The following PTPRN2 variants were observed in gnomAD, a reference collection of about 807,000 sequenced individuals.
PTPRN2 encodes receptor-type tyrosine-protein phosphatase N2.
A neutral mutation model predicts 118.8 loss-of-function variants in PTPRN2; 74 were observed. That is an observed-to-expected ratio of 0.62 (90% CI 0.52 to 0.76). The LOEUF is 0.76. Among genes scored for constraint, PTPRN2 ranks in the 30% least tolerant of loss-of-function variants. The probability of loss-of-function intolerance (pLI) is 0.00; values close to 1 mark genes in which losing one functional copy is unlikely to be tolerated. For synonymous variants in PTPRN2, 641 were observed against 608.0 expected (o/e 1.05, Z -0.80); for missense variants, 1,481 against 1,394.4 (o/e 1.06, Z -0.99).
At chr7:157,882,573 C>A (rs562665816) in intron 12 of PTPRN2, among the ~76,000 whole-genome samples, 1 of 151,480 alleles carries the variant, frequency 6.6e-6, no homozygotes, top group East Asian at 2.0e-4. Flanking sequence ...CAGAACACCT[C>A]ACCCCAAAAA....
intron 1 of PTPRN2, among the ~76,000 whole-genome samples, chr7:158,548,671 C>T (rs1196609218): frequency 6.6e-6 from 1 of 152,208 alleles, no homozygotes; most frequent in Non-Finnish European, 1.5e-5. Context: ...TCTTCCTTTT[C>T]ATCAGATACA....
At chr7:158,532,805 G>A (rs1450511912) in intron 1 of PTPRN2, 2 of 534,596 alleles carry the variant, frequency 3.7e-6, no homozygotes, top group Non-Finnish European at 7.7e-6. Context: ...AATGCGTGCA[G>A]GCTTCCGTGC....
At chr7:157,853,241 C>T (rs4618575) in intron 12 of PTPRN2, among the ~76,000 whole-genome samples, 26,570 of 151,928 alleles carry the variant, frequency 0.17, 2,373 homozygotes, top group East Asian at 0.28. Context: ...AGATGGAGAC[C>T]CAGAGGCTCA....
At chr7:157,662,788 G>A (rs1795956263) in intron 13 of PTPRN2, among the ~76,000 whole-genome samples, 1 of 152,224 alleles carries the variant, frequency 6.6e-6, no homozygotes, top group Non-Finnish European at 1.5e-5. Context: ...CTTTCGGAAT[G>A]TGCTTTTCCA....
chr7:158,187,463 C>T (rs1348012413), intron 5 of PTPRN2, among the ~76,000 whole-genome samples: 2 of 152,150 alleles, frequency 1.3e-5, no homozygotes, highest in Non-Finnish European at 2.9e-5. Context: ...GGGCCCAGAT[C>T]TCTAAGTCCC....
At chr7:158,125,956 G>A (rs764683386) in intron 9 of PTPRN2, among the ~76,000 whole-genome samples, 26 of 152,282 alleles carry the variant, frequency 1.7e-4, no homozygotes, top group Admixed American at 5.2e-4. Context: ...GCTCCTGAGC[G>A]GTGAGGCCTC....
chr7:157,575,777 C>G (rs7808805), intron 19 of PTPRN2, among the ~76,000 whole-genome samples: 68,923 of 151,974 alleles, frequency 0.45, 16,036 homozygotes, highest in Middle Eastern at 0.57. Flanking sequence ...TGCATTTTTT[C>G]TTCTTATTCT....
intron 12 of PTPRN2, among the ~76,000 whole-genome samples, chr7:157,699,442 T>G (rs1797961268): frequency 6.6e-6 from 1 of 152,232 alleles, no homozygotes; most frequent in Admixed American, 6.5e-5. Context: ...TTCTTTTTTT[T>G]CTTTTTACTG....
At chr7:158,145,224 T>C (rs1293021929) in intron 6 of PTPRN2, among the ~76,000 whole-genome samples, 1 of 136,056 alleles carries the variant, frequency 7.3e-6, no homozygotes. Flanking sequence ...CACATCACGG[T>C]GAGAAGGTTC....
At chr7:157,854,366 G>T (rs769402119) in intron 12 of PTPRN2, among the ~76,000 whole-genome samples, 7 of 152,252 alleles carry the variant, frequency 4.6e-5, no homozygotes, top group Non-Finnish European at 1.0e-4. Context: ...CTCCAGCTGT[G>T]CAATCGGCAC....
intron 12 of PTPRN2, among the ~76,000 whole-genome samples, chr7:157,827,465 T>TG (rs1563148932): frequency 1.6e-4 from 24 of 152,262 alleles, no homozygotes. Flanking sequence ...CCCTGGGCAC[T>TG]GTCTGGGGGC....
At chr7:158,353,656 G>A (rs78354067) in intron 2 of PTPRN2, among the ~76,000 whole-genome samples, 1 of 152,244 alleles carries the variant, frequency 6.6e-6, no homozygotes, top group African/African-American at 2.4e-5. Flanking sequence ...GTCAGGTCCT[G>A]GGGCCACCAG....
intron 11 of PTPRN2, among the ~76,000 whole-genome samples, chr7:157,954,038 A>C (rs984245443): frequency 6.6e-5 from 10 of 152,226 alleles, no homozygotes; most frequent in Non-Finnish European, 1.5e-5. Flanking sequence ...AGCCACTTCC[A>C]GTTTCCTGAC....
intron 12 of PTPRN2, among the ~76,000 whole-genome samples, chr7:157,896,462 G>A (rs775277226): frequency 6.6e-6 from 1 of 151,532 alleles, no homozygotes; most frequent in African/African-American, 2.4e-5. Context: ...AAGGAGCTCC[G>A]TTGTGAGTGG....
At chr7:157,796,489 C>T (rs576570874) in intron 12 of PTPRN2, among the ~76,000 whole-genome samples, 1 of 152,334 alleles carries the variant, frequency 6.6e-6, no homozygotes, top group East Asian at 1.9e-4. Context: ...CCACTGTCCT[C>T]ATCACTGGGA....
chr7:157,679,906 G>T (rs1444785528), intron 13 of PTPRN2, among the ~76,000 whole-genome samples: 2 of 152,048 alleles, frequency 1.3e-5, no homozygotes, highest in Non-Finnish European at 2.9e-5. Context: ...GGAGGACGCA[G>T]CTCTACACCC....
In PTPRN2 at chr7:157,621,258, CCGGA is replaced by C. The variant is rs1310032222; in HGVS notation, c.2344+100_2344+103del. 10,927 of 1,425,674 alleles carry C rather than the reference CCGGA, an allele frequency of 7.7e-3. 28 individuals carry two copies. The highest frequency in any genetic ancestry group is 0.03 in the East Asian group (1,245 of 41,960). 88.3% of individuals were successfully genotyped at this position (1,425,674 alleles called of 1,614,324 possible). On this transcript the variant is annotated intron_variant, in intron 15 of 22. Transcript: ENST00000389418. ...GGTCAGCACGGCCAGTTTCCTCCGC[CCGGA>C]ACCCTGGCCTCCTGCCCTCGGGCCT...
chr7:158,064,949 C>T (rs1053961158), intron 11 of PTPRN2, among the ~76,000 whole-genome samples: 4 of 152,198 alleles, frequency 2.6e-5, no homozygotes. Flanking sequence ...GGGCTGCAGG[C>T]AGCGCAGGCA....
At chr7:158,307,132 G>A (rs1243584109) in intron 3 of PTPRN2, among the ~76,000 whole-genome samples, 2 of 152,124 alleles carry the variant, frequency 1.3e-5, no homozygotes, top group African/African-American at 4.8e-5. Context: ...CTCCCAAAGT[G>A]CTGGGATTAT....
Sources: allele counts gnomAD v4.1 joint callset (sites outside exome capture counted in the v4.1 genomes callset), GRCh38; gene constraint gnomAD v4.1.1; transcripts MANE v1.5; gene names NCBI Gene and HGNC (gene_info 2026-07-23, HGNC 2026-07-21).